SEC24A: variants seen among roughly 807,000 people sequenced by gnomAD.
The protein encoded by SEC24A is SEC24 homolog A, COPII component.
A neutral mutation model predicts 129.4 loss-of-function variants in SEC24A; 93 were observed. The ratio of observed to expected loss-of-function variants is 0.72; its 90% CI spans 0.61 to 0.85. The LOEUF is 0.85. Ranked by LOEUF, SEC24A falls within the 40% of genes least tolerant of loss-of-function variation. SEC24A has a pLI of 0.00. For missense variants in SEC24A, 1,264 were observed against 1,307.4 expected (o/e 0.97, Z 0.51); for synonymous variants, 460 against 467.3 (o/e 0.98, Z 0.20).
chr5:134,694,124 T>A (rs1751747415), intron 13 of SEC24A, among the ~76,000 whole-genome samples, 191 bp downstream of exon 13: 1 of 152,224 alleles, frequency 6.6e-6, no homozygotes, highest in African/African-American at 2.4e-5. Flanking sequence ...TAATTTTTAG[T>A]ATCTTTAGCA....
chr5:134,665,461 A>G (rs556537066), intron 2 of SEC24A, among the ~76,000 whole-genome samples: 148 of 151,800 alleles, frequency 9.7e-4, no homozygotes, highest in Non-Finnish European at 1.2e-3. Context: ...GTCTCAGAAA[A>G]AAAAAAAAAA....
intron 8 of SEC24A, among the ~76,000 whole-genome samples, 183 bp from the exon 9 acceptor site, chr5:134,682,190 C>T (rs573331901): frequency 3.8e-4 from 58 of 151,964 alleles, no homozygotes; most frequent in Middle Eastern, 3.4e-3. Context: ...TTGCAGTGAG[C>T]TGACATTGCA....
chr5:134,651,912 C>T (rs1448314267), intron 1 of SEC24A, among the ~76,000 whole-genome samples: 1 of 150,106 alleles, frequency 6.7e-6, no homozygotes, highest in Non-Finnish European at 1.5e-5. Flanking sequence ...GTAGTTGATG[C>T]TTGCATATTC....
At chr5:134,666,111 C>A (rs1750650121) in intron 2 of SEC24A, among the ~76,000 whole-genome samples, 2 of 151,772 alleles carry the variant, frequency 1.3e-5, no homozygotes, top group South Asian at 4.1e-4. Context: ...CAAAATGAGA[C>A]CCCCGTCTCT....
At chr5:134,700,536 A>G (rs1235595186) in intron 15 of SEC24A, among the ~76,000 whole-genome samples, 1 of 150,626 alleles carries the variant, frequency 6.6e-6, no homozygotes, top group East Asian at 2.0e-4. Context: ...ATTCTTTTCA[A>G]TGGAAAAATT....
intron 21 of SEC24A, 102 bp from the exon 22 acceptor site, chr5:134,723,465 G>GA (rs993448919): frequency 2.0e-4 from 149 of 729,054 alleles, no homozygotes; most frequent in Non-Finnish European, 2.6e-4. Context: ...TCTCAAAAAA[G>GA]AAAAAAAATG....
intron 19 of SEC24A, chr5:134,715,601 A>T (rs149650391): frequency 6.1e-6 from 1 of 163,834 alleles, no homozygotes; most frequent in African/African-American, 2.4e-5. Flanking sequence ...AAAACCGAAC[A>T]CTGCATGTTC....
intron 11 of SEC24A, among the ~76,000 whole-genome samples, chr5:134,689,372 C>T (rs974410641): frequency 1.3e-5 from 2 of 152,206 alleles, no homozygotes; most frequent in Non-Finnish European, 2.9e-5. Flanking sequence ...GCTTGTACAT[C>T]ATTGTTTATA....
chr5:134,671,306 C>T (rs142304836), intron 3 of SEC24A, among the ~76,000 whole-genome samples: 1,907 of 152,190 alleles, frequency 0.013, 19 homozygotes, highest in Admixed American at 0.017. Context: ...GTGATCCGCC[C>T]GCCTTGGCCT....
rs1750875195 is a variant in SEC24A at position 134,671,856 on chromosome 5, TA to T, written c.788del (p.Tyr263SerfsTer22). ...CGGATCTATGGTGGTCCACAGTAGT[TA>T]CGACGAGATTGAAGGAGGTGGCTTA... Reference protein sequence around the residue: ...NNGSMVVHSSYDEIEGGGLLA... With the variant: ...NNGSMVVHSSXDEIEGGGLLA... On this transcript the variant is annotated frameshift_variant, in exon 4 of 23. Transcript: ENST00000398844. LOFTEE classifies it high-confidence loss of function. The T allele has an allele frequency of 6.2e-7, 1 of 1,609,726 alleles. No homozygotes were observed. Among genetic ancestry groups the T allele is most frequent in the African/African-American group, 1.3e-5 (1 of 74,744 alleles).
intron 18 of SEC24A, among the ~76,000 whole-genome samples, chr5:134,713,132 C>T (rs934375225): frequency 2.0e-5 from 3 of 151,496 alleles, no homozygotes; most frequent in Non-Finnish European, 4.4e-5. Context: ...GGGGTTTCAC[C>T]GTGTTAGCCA....
intron 12 of SEC24A, 134 bp from the exon 13 acceptor site, chr5:134,693,593 C>G: frequency 7.0e-7 from 1 of 1,437,900 alleles, no homozygotes; most frequent in South Asian, 1.5e-5. Context: ...ATTTGACCAA[C>G]TTCATTGTTT....
chr5:134,661,271 C>A lies in SEC24A; in HGVS notation c.250C>A (p.Gln84Lys). The change falls in exon 2 of 23, where the codon CAG (glutamine) becomes AAG (lysine). Residue 84 changes from glutamine to lysine, a missense_variant. Transcript: ENST00000398844. ...CTATGGTGGTTCTCAGGGATCTGGG[C>A]AGACTCTTAATAGACCACCTGTGGC... Reference protein sequence around the residue: ...SNYGGSQGSGQTLNRPPVASN... With the variant: ...SNYGGSQGSGKTLNRPPVASN... 6.2e-7 allele frequency: 1 copy of A among 1,614,146 alleles called. No homozygotes were observed. Among genetic ancestry groups the A allele is most frequent in the Non-Finnish European group, 8.5e-7 (1 of 1,180,036 alleles).
At position 134,720,030 on chromosome 5, in the gene SEC24A, G is replaced by A. The variant is rs1004063867; in HGVS notation, c.2971-968G>A. ...AGTTTATAAAGTTATAGTAAACTAC[G>A]ATTAATTATTGAAGAAAGAAATTTT... On this transcript the variant is annotated intron_variant, in intron 20 of 22. Coordinates refer to ENST00000398844, the MANE Select transcript of SEC24A (RefSeq NM_021982.3). Among the ~76,000 whole-genome samples the A allele has an allele frequency of 2.6e-5, 4 of 152,280 alleles. No homozygotes were observed. The East Asian group carries it at 5.8e-4, about 22-fold the overall frequency.
At chr5:134,717,945 T>G (rs141149622) in intron 19 of SEC24A, 124 bp from the exon 20 acceptor site, 2 of 630,140 alleles carry the variant, frequency 3.2e-6, no homozygotes, top group Admixed American at 2.8e-5. Flanking sequence ...TAAGAATAAT[T>G]GTGATTTACC....
At chr5:134,649,206 G>T (rs1037464210) in intron 1 of SEC24A, 33 bp downstream of exon 1, 6 of 1,508,268 alleles carry the variant, frequency 4.0e-6, no homozygotes, top group Non-Finnish European at 4.5e-6. Flanking sequence ...GCGCAGCCTG[G>T]CCAGGGCTGA....
intron 3 of SEC24A, among the ~76,000 whole-genome samples, 176 bp downstream of exon 3, chr5:134,667,172 G>T (rs1379583782): frequency 6.6e-6 from 1 of 152,052 alleles, no homozygotes; most frequent in Non-Finnish European, 1.5e-5. Flanking sequence ...ATTGCCATCC[G>T]CTGGGCTGTG....
intron 9 of SEC24A, among the ~76,000 whole-genome samples, chr5:134,684,471 G>A (rs1465868641): frequency 1.3e-5 from 2 of 151,732 alleles, no homozygotes; most frequent in Non-Finnish European, 2.9e-5. Flanking sequence ...CCAGCAATTT[G>A]GGAGGCCAAG....
chr5:134,721,118 A>G, intron 21 of SEC24A, 28 bp downstream of exon 21: 2 of 1,375,884 alleles, frequency 1.5e-6, no homozygotes, highest in Non-Finnish European at 2.1e-6. Flanking sequence ...TAGTGATTAT[A>G]AAGGGCATTT....
Sources: allele counts gnomAD v4.1 joint callset (sites outside exome capture counted in the v4.1 genomes callset), GRCh38; gene constraint gnomAD v4.1.1; transcripts MANE v1.5; gene names NCBI Gene and HGNC (gene_info 2026-07-23, HGNC 2026-07-21).